The following ICE1 variants were observed in gnomAD, a reference collection of about 807,000 sequenced individuals.
ICE1 encodes the protein little elongation complex subunit 1.
A neutral mutation model predicts 192.7 loss-of-function variants in ICE1; 64 were observed. The ratio of observed to expected loss-of-function variants is 0.33; its 90% confidence interval spans 0.27 to 0.41. ICE1 has a LOEUF of 0.41. Among genes scored for constraint, ICE1 ranks in the 10% least tolerant of loss-of-function variants. The probability of loss-of-function intolerance (pLI) is 1.00; values close to 1 mark genes in which losing one functional copy is unlikely to be tolerated. For synonymous variants in ICE1, 1,010 were observed against 984.5 expected, an observed-to-expected ratio of 1.03 and a Z score of -0.49; for missense variants, 2,708 against 2,696.0, an observed-to-expected ratio of 1.00 and a Z score of -0.10.
rs1051163456 is a variant in ICE1 at position 5,422,858 on chromosome 5, G to A, written c.-58G>A. ...CCGGCGGCATCAGCAGAGACAGGAC[G>A]GGGCCGACGCCGCGGGCCCCTGAGG... On this transcript the variant is annotated 5_prime_UTR_variant, in exon 1 of 19. Coordinates refer to ENST00000296564, the MANE Select transcript of ICE1 (RefSeq NM_015325.3). 7.4e-5 allele frequency: 91 copies of A among 1,228,238 alleles called. No homozygotes were observed. The highest frequency in any genetic ancestry group is 9.2e-5 in the Non-Finnish European group (89 of 971,558). 76.1% of individuals were successfully genotyped at this position (1,228,238 alleles called of 1,614,324 possible). A position where few individuals can be genotyped will look rare whatever the true frequency, so the allele number is the denominator to read the frequency against.
Position 5,489,333 on chromosome 5 carries a change from T to C in ICE1, c.*3T>C, listed in dbSNP as rs143014197. The C allele has an allele frequency of 1.9e-6, 3 of 1,602,052 alleles. No homozygotes were observed. In the African/African-American group the frequency reaches 4.0e-5, roughly 22 times the overall value. On this transcript the variant is annotated 3_prime_UTR_variant, in exon 19 of 19. Transcript: ENST00000296564. Reference sequence around the variant, plus strand: ...TGAGCACAGAGGAGCTTGGCTGACCTGGGATGCCACTGAGGCTTGAGAAGT... The same window carrying C: ...TGAGCACAGAGGAGCTTGGCTGACCCGGGATGCCACTGAGGCTTGAGAAGT...
At chr5:5,433,371 G>A (rs1286945320) in intron 1 of ICE1, among the ~76,000 whole-genome samples, 2 of 152,120 alleles carry the variant, frequency 1.3e-5, no homozygotes, top group African/African-American at 4.8e-5. Context: ...CTTCTCAAAA[G>A]AATCCATGTT....
intron 17 of ICE1, among the ~76,000 whole-genome samples, chr5:5,486,404 G>A (rs1047722108): frequency 6.6e-6 from 1 of 152,066 alleles, no homozygotes; most frequent in Non-Finnish European, 1.5e-5. Context: ...CTGCTCTGTG[G>A]TATAATAGCA....
At chr5:5,451,026 T>C (rs1738400227) in intron 10 of ICE1, among the ~76,000 whole-genome samples, 1 of 152,162 alleles carries the variant, frequency 6.6e-6, no homozygotes, top group Non-Finnish European at 1.5e-5. Flanking sequence ...ACTTTTCAAA[T>C]GTATAAAAGT....
intron 15 of ICE1, among the ~76,000 whole-genome samples, chr5:5,471,082 T>C (rs1739144292): frequency 6.6e-6 from 1 of 152,044 alleles, no homozygotes; most frequent in Non-Finnish European, 1.5e-5. Context: ...CAGAAACACA[T>C]AGAAGACAAA....
intron 16 of ICE1, 100 bp from the exon 17 acceptor site, chr5:5,475,873 C>A (rs554459268): frequency 2.7e-6 from 2 of 738,974 alleles, no homozygotes; most frequent in East Asian, 5.6e-5. Flanking sequence ...AGATCCTCAG[C>A]AGTTATCCTC....
At chr5:5,448,025 C>A in intron 10 of ICE1, 128 bp downstream of exon 10, 1 of 652,178 alleles carries the variant, frequency 1.5e-6, no homozygotes, top group Non-Finnish European at 2.7e-6. Flanking sequence ...TAGTAGAAGT[C>A]ATATATTATT....
intron 17 of ICE1, among the ~76,000 whole-genome samples, chr5:5,476,362 TAA>T (rs1306513306): frequency 2.6e-5 from 4 of 152,202 alleles, no homozygotes; most frequent in Non-Finnish European, 5.9e-5. Flanking sequence ...CTAGGATATA[TAA>T]GTCGCTATAA....
chr5:5,461,310 T>C lies in ICE1; in HGVS notation c.1976T>C (p.Ile659Thr), dbSNP rs1738770004. The change falls in exon 13 of 19, where the codon ATT (isoleucine) becomes ACT (threonine). Residue 659 changes from isoleucine (I) to threonine (T), a missense_variant. Ile to Thr is a moderately conservative substitution (Grantham distance 89). This residue lies in a region of ICE1 where 2,366 missense variants were observed against 2,276.6 expected (regional missense o/e 1.04). Coordinates refer to ENST00000296564, the MANE Select transcript of ICE1 (RefSeq NM_015325.3). ...TTAGACTGTGGTAATGATACAGATATTACTACTAAAGTATTCTCTACTGAA... is the reference window on the plus strand; with the variant it reads ...TTAGACTGTGGTAATGATACAGATACTACTACTAAAGTATTCTCTACTGAA... ...SGLDCGNDTD[I>T]TTKVFSTEPH... 1 of 1,613,790 alleles carries C rather than the reference T, an allele frequency of 6.2e-7. No homozygotes were observed.
At chr5:5,423,030 G>A in intron 1 of ICE1, 31 bp downstream of exon 1, 3 of 1,316,112 alleles carry the variant, frequency 2.3e-6, no homozygotes, top group Non-Finnish European at 2.9e-6. Flanking sequence ...CCGGGCGCGG[G>A]GGGGGACTCG....
chr5:5,484,311 A>T (rs1280876495), intron 17 of ICE1, among the ~76,000 whole-genome samples: 2 of 152,180 alleles, frequency 1.3e-5, no homozygotes, highest in African/African-American at 4.8e-5. Context: ...ATTGAAAGGG[A>T]GCCCTTATAA....
rs1297172836 is a variant in ICE1, at chr5:5,463,657, G to A, written c.4323G>A (p.Leu1441=). The part of the protein sequence containing the change: ...AVLPHVDQVT[L]CDIPGDIPIS... ...TGCCACATGTGGACCAGGTCACACT[G>A]TGTGACATTCCTGGAGACATCCCTA... is the stretch of plus-strand genomic sequence containing the variant. Residue 1441 remains leucine (L), a synonymous_variant, in exon 13 of 19, where the codon CTG becomes CTA. Transcript: ENST00000296564. The A allele has an allele frequency of 2.5e-6, 4 of 1,613,866 alleles. No homozygotes were observed. Among genetic ancestry groups the A allele is most frequent in the East Asian group, 2.2e-5 (1 of 44,888 alleles).
chr5:5,430,403 TAGTC>T (rs1410516206), intron 1 of ICE1, among the ~76,000 whole-genome samples: 1 of 152,244 alleles, frequency 6.6e-6, no homozygotes, highest in Non-Finnish European at 1.5e-5. Flanking sequence ...GAAATAATGT[TAGTC>T]AGAGACTAGA....
Position 5,463,447 on chromosome 5 carries a change from C to A in ICE1, c.4113C>A (p.Ala1371=). 1 of 1,612,956 alleles carries A rather than the reference C, an allele frequency of 6.2e-7. No homozygotes were observed. Among genetic ancestry groups the A allele is most frequent in the Non-Finnish European group, 8.5e-7 (1 of 1,179,470 alleles). The change falls in exon 13 of 19, where the codon GCC becomes GCA. Residue 1371 remains alanine (A), a synonymous_variant. Coordinates refer to ENST00000296564, the MANE Select transcript of ICE1 (RefSeq NM_015325.3). ...TGCCAGAACCTGTGGAGCCATCAGC[C>A]TTGTGCTCTGACTCTGTGATGGAGC... ...EDLPEPVEPS[A]LCSDSVMEPS...
intron 17 of ICE1, among the ~76,000 whole-genome samples, chr5:5,477,600 C>G (rs2111400792): frequency 6.6e-6 from 1 of 152,322 alleles, no homozygotes; most frequent in East Asian, 1.9e-4. Context: ...CTATTCCAAA[C>G]AGTAGAAAAA....
chr5:5,443,226 G>T lies in ICE1; in HGVS notation c.368G>T (p.Cys123Phe). Residue 123 changes from cysteine to phenylalanine, a missense_variant, in exon 6 of 19, where the codon TGC (cysteine) becomes TTC (phenylalanine). Transcript: ENST00000296564. ...GAATATGCTCGTGTAAAGGAAGAAT[G>T]CTTGAAGAGTGATGCTCAGTAAGTA... The part of the protein sequence containing the change: ...HQEYARVKEE[C>F]LKSDAQKKKL... 4 of 1,504,376 alleles carry T rather than the reference G, an allele frequency of 2.7e-6. No individual in the cohort carries two copies. Among genetic ancestry groups the T allele is most frequent in the Non-Finnish European group, 3.6e-6 (4 of 1,119,424 alleles). 93.2% of individuals were successfully genotyped at this position (1,504,376 alleles called of 1,614,324 possible). A position where few individuals can be genotyped will look rare whatever the true frequency, so the allele number is the denominator to read the frequency against.
In ICE1 at chr5:5,443,147, G is replaced by GT. The variant is rs540424430; in HGVS notation, c.310-13dup. Reference sequence around the variant, plus strand: ...AGTGACTTTCATTTTGACAATATCTGTTTTTTTTCTTTTTTTAAAGAGTTC... The same window carrying GT: ...AGTGACTTTCATTTTGACAATATCTGTTTTTTTTTCTTTTTTTAAAGAGTTC... On this transcript the variant is annotated intron_variant, in intron 5 of 18. Coordinates refer to ENST00000296564, the MANE Select transcript of ICE1 (RefSeq NM_015325.3). 10,009 of 1,348,112 alleles carry GT rather than the reference G, an allele frequency of 7.4e-3. 61 individuals carry two copies. The highest frequency in any genetic ancestry group is 0.019 in the South Asian group (1,400 of 72,998). 83.5% of individuals were successfully genotyped at this position (1,348,112 alleles called of 1,614,324 possible).
chr5:5,470,235 G>T (rs990415651), intron 15 of ICE1, among the ~76,000 whole-genome samples: 1 of 152,130 alleles, frequency 6.6e-6, no homozygotes, highest in South Asian at 2.1e-4. Context: ...GCCTACAGGG[G>T]GTTACCTGTT....
At chr5:5,477,073 A>AT (rs1486881431) in intron 17 of ICE1, among the ~76,000 whole-genome samples, 1 of 151,212 alleles carries the variant, frequency 6.6e-6, no homozygotes, top group Non-Finnish European at 1.5e-5. Context: ...ATTTTTACTT[A>AT]TTTTTTTCCT....
Sources: allele counts gnomAD v4.1 joint callset (sites outside exome capture counted in the v4.1 genomes callset), GRCh38; gene constraint gnomAD v4.1.1; regional missense constraint gnomAD v4.1.1; transcripts MANE v1.5; gene names NCBI Gene and HGNC (gene_info 2026-07-23, HGNC 2026-07-21).